The following ENAH variants were observed in gnomAD, a reference collection of about 807,000 sequenced individuals.
ENAH encodes the protein protein enabled homolog.
ENAH carries 23 observed loss-of-function variants against 78.7 expected under a neutral mutation model. The observed-to-expected ratio is 0.29, with a 90% CI of 0.21 to 0.41. ENAH has a LOEUF of 0.41. ENAH is among the 10% of genes least tolerant of loss of function. The pLI is 1.00. For synonymous variants in ENAH, 226 were observed against 241.0 expected, an observed-to-expected ratio of 0.94 and a Z score of 0.58; for missense variants, 544 against 691.0, an observed-to-expected ratio of 0.79 and a Z score of 2.39.
At chr1:225,584,485 G>T (rs1327360442) in intron 1 of ENAH, among the ~76,000 whole-genome samples, 1 of 151,758 alleles carries the variant, frequency 6.6e-6, no homozygotes, top group Non-Finnish European at 1.5e-5. Flanking sequence ...AGGCAGAAAA[G>T]GAATAACAAA....
intron 11 of ENAH, among the ~76,000 whole-genome samples, chr1:225,502,928 A>G (rs542595484): frequency 3.3e-5 from 5 of 152,282 alleles, no homozygotes; most frequent in African/African-American, 1.2e-4. Context: ...CCATTTAGCT[A>G]GTTATTTTCT....
chr1:225,598,737 C>T (rs566881118), intron 1 of ENAH, among the ~76,000 whole-genome samples: 50 of 151,792 alleles, frequency 3.3e-4, no homozygotes, highest in Non-Finnish European at 4.4e-5. Flanking sequence ...GCTGGAATAG[C>T]AATCTTAACA....
chr1:225,519,443 A>C lies in ENAH; in HGVS notation c.557T>G (p.Leu186Arg), dbSNP rs1206680815. Residue 186 changes from leucine (L) to arginine (R), a missense_variant, in exon 5 of 14, where the codon CTG becomes CGG. This residue lies in a region of ENAH where 366 missense variants were observed against 396.1 expected (regional missense o/e 0.92). Coordinates refer to ENST00000366843, the MANE Select transcript of ENAH (RefSeq NM_018212.6). Reference protein sequence around the residue: ...LERERLERERLEQEQLERERQ... With the variant: ...LERERLERERREQEQLERERQ... Reference sequence around the variant, plus strand: ...CTCTCTCTCCAGCTGTTCTTGTTCCAGTCGCTCCCTCTCCAGCCTTTCCCT... The same window carrying C: ...CTCTCTCTCCAGCTGTTCTTGTTCCCGTCGCTCCCTCTCCAGCCTTTCCCT... 3 of 1,612,868 alleles carry C rather than the reference A, an allele frequency of 1.9e-6. No individual in the cohort carries two copies. In the African/African-American group the frequency reaches 4.0e-5, roughly 22 times the overall value.
chr1:225,538,802 G>A (rs981445114), intron 3 of ENAH, among the ~76,000 whole-genome samples: 22 of 152,050 alleles, frequency 1.4e-4, no homozygotes, highest in Admixed American at 1.3e-4. Flanking sequence ...ATTTTTAGTC[G>A]TGAAATGAAT....
intron 3 of ENAH, among the ~76,000 whole-genome samples, chr1:225,550,400 T>G (rs1473826174): frequency 6.6e-6 from 1 of 152,190 alleles, no homozygotes; most frequent in Non-Finnish European, 1.5e-5. Flanking sequence ...TTTGTATTAT[T>G]CCCAGTGCCT....
chr1:225,554,779 C>A (rs2096658518), intron 3 of ENAH, 127 bp downstream of exon 3: 1 of 770,678 alleles, frequency 1.3e-6, no homozygotes. Flanking sequence ...TATACAAGAT[C>A]TAAAAGTTAA....
At chr1:225,562,761 G>C (rs900933000) in intron 2 of ENAH, among the ~76,000 whole-genome samples, 1 of 151,708 alleles carries the variant, frequency 6.6e-6, no homozygotes, top group Admixed American at 6.6e-5. Flanking sequence ...TAGATATTTA[G>C]TAAATTATAA....
chr1:225,527,952 C>T (rs776035516), intron 4 of ENAH, among the ~76,000 whole-genome samples: 4 of 152,160 alleles, frequency 2.6e-5, no homozygotes, highest in Non-Finnish European at 5.9e-5. Flanking sequence ...AATGTCTTCC[C>T]TAGCACCTGG....
In ENAH at chr1:225,511,813, G is replaced by A. The variant is rs1476271799; in HGVS notation, c.1469C>T (p.Pro490Leu). The part of the protein sequence containing the change: ...VTSKASSTST[P>L]EPTRKPWERT... ...TAAAATATTTATCTTGAACTTACCA[G>A]GTGTACTTGTTGAAGAGGCCTTAGA... is the stretch of plus-strand genomic sequence containing the variant. Residue 490 changes from proline to leucine, a missense_variant and splice_region_variant, in exon 10 of 14, where the codon CCT becomes CTT. This residue lies in a region of ENAH where 97 missense variants were observed against 124.4 expected (regional missense o/e 0.78). Coordinates refer to ENST00000366843, the MANE Select transcript of ENAH (RefSeq NM_018212.6). 1 of 1,601,062 alleles carries A rather than the reference G, an allele frequency of 6.2e-7. No homozygotes were observed. Among genetic ancestry groups the A allele is most frequent in the African/African-American group, 1.3e-5 (1 of 74,592 alleles).
intron 4 of ENAH, 76 bp downstream of exon 4, chr1:225,530,478 T>C (rs2096532671): frequency 8.4e-7 from 1 of 1,193,674 alleles, no homozygotes; most frequent in Non-Finnish European, 1.2e-6. Context: ...AGACATAATC[T>C]ACTTTAAACA....
chr1:225,528,241 T>G (rs1394920997), intron 4 of ENAH, among the ~76,000 whole-genome samples: 18 of 152,126 alleles, frequency 1.2e-4, no homozygotes, highest in Admixed American at 1.2e-3. Context: ...AAACACTGTG[T>G]GATTAAGTTA....
chr1:225,652,449 G>C, intron 1 of ENAH: 1 of 977,164 alleles, frequency 1.0e-6, no homozygotes, highest in Non-Finnish European at 1.2e-6. Flanking sequence ...TGAAAGAAGA[G>C]CATTTGAGGA....
At chr1:225,573,613 G>A (rs2096774012) in intron 1 of ENAH, among the ~76,000 whole-genome samples, 1 of 152,148 alleles carries the variant, frequency 6.6e-6, no homozygotes, top group South Asian at 2.1e-4. Flanking sequence ...AAGAACAGAA[G>A]CACAAATACC....
intron 2 of ENAH, among the ~76,000 whole-genome samples, chr1:225,561,619 T>TAAAATAAAATAAAATAAAA (rs1553439595): frequency 1.6e-5 from 2 of 125,810 alleles, no homozygotes; most frequent in African/African-American, 3.0e-5. Flanking sequence ...AGATTCCGTC[T>TAAAATAAAATAAAATAAAA]TAAAATAAAA....
At chr1:225,597,762 C>A (rs2096909483) in intron 1 of ENAH, among the ~76,000 whole-genome samples, 1 of 151,044 alleles carries the variant, frequency 6.6e-6, no homozygotes, top group Non-Finnish European at 1.5e-5. Context: ...TATTTTTCTT[C>A]TTTTGCTACA....
chr1:225,620,010 G>A (rs1287733645), intron 1 of ENAH, among the ~76,000 whole-genome samples: 1 of 152,130 alleles, frequency 6.6e-6, no homozygotes, highest in African/African-American at 2.4e-5. Flanking sequence ...GCCTAATAGT[G>A]TAACACATAC....
chr1:225,501,269 T>C (rs1469672232), intron 11 of ENAH, 199 bp from the exon 12 acceptor site: 2 of 475,408 alleles, frequency 4.2e-6, no homozygotes, highest in Admixed American at 3.8e-5. Flanking sequence ...GTATTTCTTA[T>C]TTATAAAGGA....
At chr1:225,621,691 G>A (rs769915341) in intron 1 of ENAH, among the ~76,000 whole-genome samples, 5 of 151,992 alleles carry the variant, frequency 3.3e-5, no homozygotes, top group African/African-American at 7.2e-5. Flanking sequence ...TTTGTTAACC[G>A]CACACATCAA....
At chr1:225,601,954 TAAA>T in intron 1 of ENAH, among the ~76,000 whole-genome samples, 1 of 150,468 alleles carries the variant, frequency 6.6e-6, no homozygotes, top group African/African-American at 2.4e-5. Flanking sequence ...AAAAGCCAAA[TAAA>T]TAAAAAGGAA....
Sources: gnomAD v4.1 joint callset for allele counts (sites outside exome capture counted in the v4.1 genomes callset) on GRCh38, gnomAD v4.1.1 for gene constraint, gnomAD v4.1.1 regional missense constraint, MANE v1.5 for transcripts, NCBI Gene and HGNC (gene_info 2026-07-23, HGNC 2026-07-21) for gene names.